Variants in FMNL2 observed in about 807,000 individuals in gnomAD.
The protein encoded by FMNL2 is formin-like protein 2.
Under a neutral mutation model 130.2 loss-of-function variants are expected in FMNL2, and 51 were observed. The observed-to-expected ratio is 0.39, with a 90% confidence interval of 0.31 to 0.49. FMNL2 has a LOEUF of 0.49. FMNL2 is among the 20% of genes least tolerant of loss of function. The probability of loss-of-function intolerance (pLI) is 0.85; values close to 1 mark genes in which losing one functional copy is unlikely to be tolerated. For missense variants in FMNL2, 977 were observed against 1,316.2 expected, an observed-to-expected ratio of 0.74 and a Z score of 3.99; for synonymous variants, 465 against 467.1, an observed-to-expected ratio of 1.00 and a Z score of 0.06.
At chr2:152,381,395 C>T (rs935199697) in intron 1 of FMNL2, among the ~76,000 whole-genome samples, 1 of 152,138 alleles carries the variant, frequency 6.6e-6, no homozygotes, top group Non-Finnish European at 1.5e-5. Context: ...TGCCCTCTTC[C>T]AGAAGGGAAA....
chr2:152,411,502 G>C (rs1407693925), intron 1 of FMNL2, among the ~76,000 whole-genome samples: 1 of 152,176 alleles, frequency 6.6e-6, no homozygotes, highest in African/African-American at 2.4e-5. Flanking sequence ...GGTGTATGAA[G>C]TTGGTCCTAA....
At chr2:152,574,730 T>C (rs1252058024) in intron 6 of FMNL2, among the ~76,000 whole-genome samples, 4 of 152,348 alleles carry the variant, frequency 2.6e-5, no homozygotes, top group Middle Eastern at 3.4e-3. Flanking sequence ...ATGAAAACTC[T>C]TTCTAGTAAA....
intron 8 of FMNL2, 76 bp from the exon 9 acceptor site, chr2:152,580,880 A>G (rs1696741726): frequency 1.5e-6 from 2 of 1,307,288 alleles, no homozygotes; most frequent in Non-Finnish European, 1.1e-6. Context: ...ATTCTCATGT[A>G]TCTTGGAAGG....
intron 1 of FMNL2, among the ~76,000 whole-genome samples, chr2:152,373,587 A>G (rs190107027): frequency 7.2e-5 from 11 of 152,354 alleles, no homozygotes; most frequent in Non-Finnish European, 1.6e-4. Context: ...CCGCCCTTAT[A>G]CTTTAAATCA....
chr2:152,643,384 C>CTGTT, intron 25 of FMNL2: 1 of 1,535,236 alleles, frequency 6.5e-7, no homozygotes, highest in African/African-American at 1.4e-5. Context: ...TTATTCTCTT[C>CTGTT]TGTTTGTGTT....
chr2:152,425,100 C>T (rs1045695397), intron 1 of FMNL2, among the ~76,000 whole-genome samples: 1 of 152,162 alleles, frequency 6.6e-6, no homozygotes. Flanking sequence ...CATAAGTAGG[C>T]ATTGAAACCT....
At chr2:152,643,385 T>A in intron 25 of FMNL2, 1 of 1,535,768 alleles carries the variant, frequency 6.5e-7, no homozygotes, top group Non-Finnish European at 8.7e-7. Context: ...TATTCTCTTC[T>A]GTTTGTGTTG....
Position 152,375,877 on chromosome 2 carries a change from C to CTATATATA in FMNL2, c.117+40170_117+40177dup, listed in dbSNP as rs61564333. The stretch of plus-strand genomic sequence containing the variant: ...TCTCTCTCTCTCTCTCTCTCTCTCT[C>CTATATATA]TATATATATATATATATATAATTAT... On this transcript the variant is annotated intron_variant, in intron 1 of 25. Transcript: ENST00000288670. Among the ~76,000 whole-genome samples the CTATATATA allele has an allele frequency of 6.0e-4, 67 of 112,478 alleles. 1 individual carries two copies. The highest frequency in any genetic ancestry group is 4.6e-3 in the Middle Eastern group (1 of 216). 73.8% of individuals were successfully genotyped at this position (112,478 alleles called of 152,430 possible). A position where few individuals can be genotyped will look rare whatever the true frequency, so the allele number is the denominator to read the frequency against.
intron 1 of FMNL2, among the ~76,000 whole-genome samples, chr2:152,485,825 C>T (rs1270876443): frequency 6.6e-6 from 1 of 152,098 alleles, no homozygotes; most frequent in Non-Finnish European, 1.5e-5. Context: ...TCTCATTCTA[C>T]AGGTAAAGAA....
chr2:152,619,179 G>T, intron 14 of FMNL2, 21 bp downstream of exon 14: 1 of 1,528,872 alleles, frequency 6.5e-7, no homozygotes, highest in South Asian at 1.3e-5. Flanking sequence ...TTGGCAGGAG[G>T]ACTGAGGAAG....
At chr2:152,406,264 A>G (rs1463686324) in intron 1 of FMNL2, among the ~76,000 whole-genome samples, 1 of 152,170 alleles carries the variant, frequency 6.6e-6, no homozygotes, top group Non-Finnish European at 1.5e-5. Flanking sequence ...TTTTCTTGTC[A>G]AAGAGGGAAC....
intron 1 of FMNL2, among the ~76,000 whole-genome samples, chr2:152,482,170 C>G (rs778771621): frequency 6.6e-6 from 1 of 152,090 alleles, no homozygotes; most frequent in African/African-American, 2.4e-5. Flanking sequence ...TAAATGAAAA[C>G]CAAGTTTTCC....
chr2:152,590,548 A>C (rs1481618907), intron 9 of FMNL2, among the ~76,000 whole-genome samples: 1 of 152,016 alleles, frequency 6.6e-6, no homozygotes, highest in African/African-American at 2.4e-5. Context: ...TGGGAGGCAG[A>C]GGTTGCAGTG....
chr2:152,428,972 A>C (rs1334944188), intron 1 of FMNL2, among the ~76,000 whole-genome samples: 1 of 152,158 alleles, frequency 6.6e-6, no homozygotes, highest in African/African-American at 2.4e-5. Context: ...TGATGAGAAC[A>C]CATGGGAGCA....
intron 1 of FMNL2, among the ~76,000 whole-genome samples, chr2:152,356,519 A>G (rs1482701080): frequency 2.0e-5 from 3 of 152,202 alleles, no homozygotes; most frequent in African/African-American, 7.2e-5. Flanking sequence ...TGGATTTGCA[A>G]ATTTGCCTAT....
intron 1 of FMNL2, among the ~76,000 whole-genome samples, chr2:152,364,833 A>G (rs566734911): frequency 3.4e-4 from 52 of 152,372 alleles, no homozygotes; most frequent in Admixed American, 1.2e-3. Flanking sequence ...AAATTTGTTA[A>G]TAAGTTCTTG....
At chr2:152,639,048 TCCTC>T (rs1055002871) in intron 23 of FMNL2, among the ~76,000 whole-genome samples, 1 of 39,560 alleles carries the variant, frequency 2.5e-5, no homozygotes, top group Non-Finnish European at 6.6e-5. Context: ...ACCTCACTGT[TCCTC>T]CCTGTGATTT....
rs1467223146 is a variant in FMNL2, at chr2:152,348,746, G to A, written c.117+13026G>A. 7.4e-5 allele frequency among the ~76,000 whole-genome samples: 11 copies of A among 149,322 alleles called. No individual in the cohort carries two copies. In the South Asian group the frequency reaches 1.1e-3, roughly 14 times the overall value. ...AGTGAGGTAAGTTTAAATGGGCAGC[G>A]TTCTTTGTTTTGGCATGTTAGTGCT... On this transcript the variant is annotated intron_variant, in intron 1 of 25. Coordinates refer to ENST00000288670, the MANE Select transcript of FMNL2 (RefSeq NM_052905.4).
At chr2:152,354,365 G>A (rs1682672331) in intron 1 of FMNL2, among the ~76,000 whole-genome samples, 1 of 150,432 alleles carries the variant, frequency 6.6e-6, no homozygotes, top group South Asian at 2.1e-4. Context: ...CTTGTATATA[G>A]ATGGTTTTCT....
Sources: gnomAD v4.1 joint callset for allele counts (sites outside exome capture counted in the v4.1 genomes callset) on GRCh38, gnomAD v4.1.1 for gene constraint, MANE v1.5 for transcripts, NCBI Gene and HGNC (gene_info 2026-07-23, HGNC 2026-07-21) for gene names.